Variants in RNLS observed in about 807,000 individuals in gnomAD.
The protein encoded by RNLS is renalase, FAD dependent amine oxidase, also known as renalase.
Under a neutral mutation model 39.8 loss-of-function variants are expected in RNLS, and 39 were observed. The observed-to-expected ratio is 0.98, with a 90% confidence interval of 0.76 to 1.28. The LOEUF (loss-of-function observed/expected upper bound fraction) is 1.28. Ranked by LOEUF, RNLS falls within the 50% of genes most tolerant of loss-of-function variation. The pLI is 0.00. For missense variants in RNLS, 410 were observed against 413.3 expected (o/e 0.99, Z 0.07); for synonymous variants, 147 against 150.7 (o/e 0.98, Z 0.18).
chr10:88,541,616 G>C (rs567955255), intron 4 of RNLS, among the ~76,000 whole-genome samples: 6 of 152,192 alleles, frequency 3.9e-5, no homozygotes, highest in African/African-American at 1.4e-4. Context: ...AGGAAATCAG[G>C]GTGAAAAGAT....
chr10:88,290,470 C>T (rs925013147), intron 6 of RNLS, among the ~76,000 whole-genome samples: 5 of 152,182 alleles, frequency 3.3e-5, no homozygotes, highest in Admixed American at 1.3e-4. Context: ...TCCTCACTTA[C>T]ACCATGAATG....
Position 88,578,412 on chromosome 10 carries a change from T to C in RNLS, c.367+3155A>G, listed in dbSNP as rs142405814. The stretch of plus-strand genomic sequence containing the variant: ...ATAGTGTGGAAAAACCAAAATGTTT[T>C]TGTGGACCATTTATAGAATAGAAAG... On this transcript the variant is annotated intron_variant, in intron 3 of 6. Coordinates refer to ENST00000331772, the MANE Select transcript of RNLS (RefSeq NM_001031709.3). Among the ~76,000 whole-genome samples, 243 of 152,260 alleles carry C rather than the reference T, an allele frequency of 1.6e-3. 1 individual carries two copies. The highest frequency in any genetic ancestry group is 3.4e-3 in the Middle Eastern group (1 of 294).
At chr10:88,244,791 A>G in the RNLS span, among the ~76,000 whole-genome samples, 1 of 151,552 alleles carries the variant, frequency 6.6e-6, no homozygotes, top group African/African-American at 2.4e-5. Flanking sequence ...TTTTGCATTC[A>G]GTTTATTTTG....
the RNLS span, among the ~76,000 whole-genome samples, chr10:88,256,486 G>C: frequency 6.6e-6 from 1 of 152,152 alleles, no homozygotes; most frequent in Admixed American, 6.5e-5. Context: ...GCGGGAACTC[G>C]GCCTGAAAAC....
chr10:88,576,757 AAAT>A (rs1263680601), intron 3 of RNLS, among the ~76,000 whole-genome samples: 15 of 152,240 alleles, frequency 9.9e-5, no homozygotes, highest in African/African-American at 3.4e-4. Flanking sequence ...TAATAAAAGT[AAAT>A]ATTACAATAC....
At chr10:88,392,923 C>G (rs1852298230) in intron 4 of RNLS, among the ~76,000 whole-genome samples, 1 of 151,960 alleles carries the variant, frequency 6.6e-6, no homozygotes, top group African/African-American at 2.4e-5. Flanking sequence ...TAAACAGAAC[C>G]AAAGACAAAA....
chr10:88,497,716 G>A (rs1845251764), intron 4 of RNLS, among the ~76,000 whole-genome samples: 1 of 151,990 alleles, frequency 6.6e-6, no homozygotes, highest in South Asian at 2.1e-4. Flanking sequence ...AAGCAGAAAT[G>A]TCATGTGAAA....
chr10:88,325,015 T>C (rs1846488274), intron 5 of RNLS, among the ~76,000 whole-genome samples: 1 of 152,204 alleles, frequency 6.6e-6, no homozygotes, highest in South Asian at 2.1e-4. Flanking sequence ...CCACCATATG[T>C]ATATGTCACA....
intron 4 of RNLS, among the ~76,000 whole-genome samples, chr10:88,383,733 ATTCT>A (rs1851689028): frequency 2.0e-5 from 3 of 152,200 alleles, no homozygotes; most frequent in Non-Finnish European, 4.4e-5. Flanking sequence ...ATCTAATAGA[ATTCT>A]TTAAGTGCTT....
chr10:88,520,252 G>T (rs1256814263), intron 4 of RNLS, among the ~76,000 whole-genome samples: 1 of 151,996 alleles, frequency 6.6e-6, no homozygotes, highest in African/African-American at 2.4e-5. Flanking sequence ...AAGGGGGAAT[G>T]TCCAGTACAT....
At chr10:88,459,977 A>G (rs981001037) in intron 4 of RNLS, among the ~76,000 whole-genome samples, 19 of 152,170 alleles carry the variant, frequency 1.2e-4, no homozygotes, top group African/African-American at 4.6e-4. Context: ...GACACTGGAA[A>G]AAGAAGGCAA....
chr10:88,339,437 T>G (rs753560592), intron 5 of RNLS, among the ~76,000 whole-genome samples: 2 of 152,156 alleles, frequency 1.3e-5, no homozygotes, highest in Non-Finnish European at 2.9e-5. Flanking sequence ...GGGCAGAGAT[T>G]TTTTTACTTT....
chr10:88,281,315 G>A (rs1843001723), downstream of RNLS, among the ~76,000 whole-genome samples: 1 of 152,148 alleles, frequency 6.6e-6, no homozygotes, highest in South Asian at 2.1e-4. Context: ...ATTGCTGGAT[G>A]TATTTGACTG....
intron 4 of RNLS, among the ~76,000 whole-genome samples, chr10:88,540,198 C>T (rs1203209827): frequency 6.6e-6 from 1 of 152,052 alleles, no homozygotes; most frequent in East Asian, 1.9e-4. Flanking sequence ...TCACGTATTC[C>T]TCCAAAGGCC....
chr10:88,342,000 G>A (rs1037669570), intron 5 of RNLS, among the ~76,000 whole-genome samples: 7 of 152,116 alleles, frequency 4.6e-5, no homozygotes, highest in African/African-American at 1.7e-4. Context: ...GAAAGTTGCA[G>A]CCATGTAACT....
intron 4 of RNLS, among the ~76,000 whole-genome samples, chr10:88,430,907 C>G (rs1177385494): frequency 6.6e-6 from 1 of 151,140 alleles, no homozygotes; most frequent in Non-Finnish European, 1.5e-5. Context: ...AATTTTTTTT[C>G]TCTTTTTATA....
chr10:88,314,541 G>A lies in RNLS; in HGVS notation c.801C>T (p.Phe267=). ...CCGGCAAAATGTTTTCCAGCTGCTG[G>A]AAGACTAACTCTTGCACATCCTCAA... ...HSIEDVQELV[F]QQLENILPGL... The change falls in exon 6 of 7, where the codon TTC becomes TTT. Residue 267 remains phenylalanine (F), a synonymous_variant. Transcript: ENST00000331772. The A allele has an allele frequency of 6.2e-7, 1 of 1,613,998 alleles. No individual in the cohort carries two copies. Among genetic ancestry groups the A allele is most frequent in the African/African-American group, 1.3e-5 (1 of 75,044 alleles).
intron 4 of RNLS, among the ~76,000 whole-genome samples, chr10:88,426,277 T>C (rs775631268): frequency 9.9e-5 from 15 of 152,030 alleles, no homozygotes; most frequent in Admixed American, 2.6e-4. Context: ...TTCACCAAAA[T>C]CCTGTTCCAA....
chr10:88,294,447 G>A lies in RNLS; in HGVS notation c.877-8941C>T, dbSNP rs191569937. On this transcript the variant is annotated intron_variant, in intron 6 of 6. Transcript: ENST00000331772. The stretch of plus-strand genomic sequence containing the variant: ...GCTGGGACATGAAAGTTGAAAACAG[G>A]TTTTTTTTTTAAATTTATACACAAA... Among the ~76,000 whole-genome samples, 494 of 149,700 alleles carry A rather than the reference G, an allele frequency of 3.3e-3. 1 individual carries two copies. Among genetic ancestry groups the A allele is most frequent in the African/African-American group, 0.011 (468 of 40,860 alleles).
Sources: gnomAD v4.1 joint callset for allele counts (sites outside exome capture counted in the v4.1 genomes callset) on GRCh38, gnomAD v4.1.1 for gene constraint, MANE v1.5 for transcripts, NCBI Gene and HGNC (gene_info 2026-07-23, HGNC 2026-07-21) for gene names.